The following RBSN variants were observed in gnomAD, a reference collection of about 807,000 sequenced individuals.
The protein encoded by RBSN is rabenosyn-5.
In RBSN, 34 loss-of-function variants were observed where a neutral mutation model predicts 60.5. That is an observed-to-expected ratio of 0.56 (90% CI 0.43 to 0.75). The LOEUF is 0.75. Ranked by LOEUF, RBSN falls within the 30% of genes least tolerant of loss-of-function variation. The probability of loss-of-function intolerance (pLI) is 0.00; values close to 1 mark genes in which losing one functional copy is unlikely to be tolerated. For missense variants in RBSN, 845 were observed against 986.8 expected (o/e 0.86, Z 1.92); for synonymous variants, 322 against 366.9 (o/e 0.88, Z 1.40).
At chr3:15,093,522 A>C (rs921946629) in intron 4 of RBSN, among the ~76,000 whole-genome samples, 1 of 151,686 alleles carries the variant, frequency 6.6e-6, no homozygotes, top group African/African-American at 2.4e-5. Context: ...CTCCTGGGTA[A>C]TTGGGACTAC....
chr3:15,092,467 A>C (rs1185667690), intron 4 of RBSN, among the ~76,000 whole-genome samples: 2 of 152,118 alleles, frequency 1.3e-5, no homozygotes, highest in Non-Finnish European at 2.9e-5. Flanking sequence ...ATGCAATGGC[A>C]GCAATCTCAG....
intron 10 of RBSN, among the ~76,000 whole-genome samples, chr3:15,079,751 AG>A (rs1298946821): frequency 7.2e-5 from 11 of 152,238 alleles, no homozygotes; most frequent in African/African-American, 2.7e-4. Flanking sequence ...GACAGGAAAT[AG>A]ATTAGTGGTG....
chr3:15,093,059 A>G (rs1421701506), intron 4 of RBSN, among the ~76,000 whole-genome samples: 1 of 152,200 alleles, frequency 6.6e-6, no homozygotes, highest in African/African-American at 2.4e-5. Flanking sequence ...CTGGGCCCCG[A>G]ACCCACTAAC....
At chr3:15,085,324 C>T (rs751816326) in intron 6 of RBSN, among the ~76,000 whole-genome samples, 2 of 152,174 alleles carry the variant, frequency 1.3e-5, no homozygotes, top group South Asian at 4.1e-4. Context: ...GTAAGGGCAA[C>T]GACTGAAAGC....
At chr3:15,087,836 G>A (rs1056967805) in intron 5 of RBSN, among the ~76,000 whole-genome samples, 1 of 152,110 alleles carries the variant, frequency 6.6e-6, no homozygotes, top group African/African-American at 2.4e-5. Flanking sequence ...GGCCAAACTG[G>A]TCTCAAATTC....
intron 5 of RBSN, among the ~76,000 whole-genome samples, chr3:15,088,372 T>G (rs545647160): frequency 1.3e-5 from 2 of 149,460 alleles, no homozygotes; most frequent in East Asian, 3.9e-4. Context: ...TACATATGTA[T>G]AGTATTATTA....
intron 12 of RBSN, among the ~76,000 whole-genome samples, 200 bp downstream of exon 12, chr3:15,076,862 G>A (rs2043066985): frequency 6.6e-6 from 1 of 152,214 alleles, no homozygotes; most frequent in African/African-American, 2.4e-5. Context: ...TTGTAATGGG[G>A]ACATAGGATT....
chr3:15,073,808 C>T lies in RBSN; in HGVS notation c.2329G>A (p.Ala777Thr). 1 of 1,608,298 alleles carries T rather than the reference C, an allele frequency of 6.2e-7. No individual in the cohort carries two copies. Residue 777 changes from alanine to threonine, a missense_variant, in exon 14 of 14, where the codon GCC becomes ACC. Physicochemically the swap from Ala to Thr is moderately conservative, Grantham distance 58. Transcript: ENST00000253699. ...ENLRELKHTL[A>T]KQKGGTD is the part of the protein sequence containing the mutation. ...CAGTCAGTGCCCCCCTTCTGCTTGGCCAGGGTGTGCTTCAGCTCCCGCAGA... is the reference window on the plus strand; with the variant it reads ...CAGTCAGTGCCCCCCTTCTGCTTGGTCAGGGTGTGCTTCAGCTCCCGCAGA...
chr3:15,087,975 C>T (rs1186745809), intron 5 of RBSN, among the ~76,000 whole-genome samples: 1 of 152,196 alleles, frequency 6.6e-6, no homozygotes, highest in African/African-American at 2.4e-5. Flanking sequence ...CATACTCTAA[C>T]ATCTAATTAA....
chr3:15,088,365 A>G (rs906814752), intron 5 of RBSN, among the ~76,000 whole-genome samples: 1 of 151,672 alleles, frequency 6.6e-6, no homozygotes, highest in African/African-American at 2.4e-5. Flanking sequence ...TCATAATTAC[A>G]TATGTATAGT....
At chr3:15,094,697 T>C (rs1276665203) in intron 4 of RBSN, among the ~76,000 whole-genome samples, 5 of 152,188 alleles carry the variant, frequency 3.3e-5, no homozygotes, top group Non-Finnish European at 5.9e-5. Flanking sequence ...ATTTCAGAAA[T>C]GTTTGCCTTT....
intron 5 of RBSN, among the ~76,000 whole-genome samples, chr3:15,087,494 A>C (rs1575101176): frequency 6.6e-6 from 1 of 152,318 alleles, no homozygotes; most frequent in South Asian, 2.1e-4. Flanking sequence ...TGGGTGACAG[A>C]GGAAGGCTGT....
At chr3:15,081,231 T>C (rs1256894418) in intron 9 of RBSN, 1 of 158,014 alleles carries the variant, frequency 6.3e-6, no homozygotes, top group Non-Finnish European at 1.4e-5. Context: ...GCCAGGCTGG[T>C]CTCGAACTCC....
At chr3:15,093,430 T>C (rs371532967) in intron 4 of RBSN, among the ~76,000 whole-genome samples, 2 of 152,196 alleles carry the variant, frequency 1.3e-5, no homozygotes, top group South Asian at 4.1e-4. Context: ...CTTTCTTTTT[T>C]TTGAGACAGT....
At chr3:15,086,763 A>G (rs191965589) in intron 5 of RBSN, among the ~76,000 whole-genome samples, 50 of 152,348 alleles carry the variant, frequency 3.3e-4, no homozygotes, top group African/African-American at 1.2e-3. Flanking sequence ...AATGGCCAAA[A>G]AAATGTAAAT....
Position 15,074,436 on chromosome 3 carries a change from G to A in RBSN, c.1701C>T (p.Thr567=), listed in dbSNP as rs1474089688. The change falls in exon 14 of 14, where the codon ACC becomes ACT. Residue 567 remains threonine, a synonymous_variant. Transcript: ENST00000253699. The surrounding 1 kb of genome is among the most constrained non-coding windows in gnomAD (Gnocchi z 6.4). ...FQLEPSREPR[T]HLAYALDLGS... is the part of the protein sequence containing the mutation. ...CTAGATCCAAAGCATAAGCAAGGTG[G>A]GTGCGAGGCTCTCTGCTGGGCTCCA... is the stretch of plus-strand genomic sequence containing the variant. 1 of 1,614,082 alleles carries A rather than the reference G, an allele frequency of 6.2e-7. No individual in the cohort carries two copies. The highest frequency in any genetic ancestry group is 8.5e-7 in the Non-Finnish European group (1 of 1,180,038).
chr3:15,071,856 T>C lies in RBSN; in HGVS notation c.*1926A>G, dbSNP rs1464651452. 6.5e-6 allele frequency: 1 copy of C among 152,676 alleles called. No individual in the cohort carries two copies. The highest frequency in any genetic ancestry group is 1.5e-5 in the Non-Finnish European group (1 of 68,046). The allele number at this position is 152,676 out of a possible 1,614,324, so 9.5% of individuals were successfully genotyped here. ...GCATAAAGTGACTAGTGGTCAGTTA[T>C]TGTTCATTAGTTCAGATGAGTAACT... is the stretch of plus-strand genomic sequence containing the variant. On this transcript the variant is annotated 3_prime_UTR_variant, in exon 14 of 14. Coordinates refer to ENST00000253699, the MANE Select transcript of RBSN (RefSeq NM_022340.4).
At position 15,072,591 on chromosome 3, in the gene RBSN, G is replaced by C. The variant is rs1364403500; in HGVS notation, c.*1191C>G. ...AGACCCGGCCTTTTAAACAGACCCA[G>C]ATCAGAGTAACTTTGCCAAAGCTCT... On this transcript the variant is annotated 3_prime_UTR_variant, in exon 14 of 14. Transcript: ENST00000253699. The C allele has an allele frequency of 6.6e-6, 1 of 152,194 alleles. No individual in the cohort carries two copies. The highest frequency in any genetic ancestry group is 2.4e-5 in the African/African-American group (1 of 41,444). The allele number at this position is 152,194 out of a possible 1,614,324, so 9.4% of individuals were successfully genotyped here.
At chr3:15,083,160 C>A (rs185248326) in intron 8 of RBSN, among the ~76,000 whole-genome samples, 1 of 152,240 alleles carries the variant, frequency 6.6e-6, no homozygotes, top group Admixed American at 6.5e-5. Context: ...TCCAGCAGGG[C>A]CACCCCACAG....
Sources: gnomAD v4.1 joint callset for allele counts (sites outside exome capture counted in the v4.1 genomes callset) on GRCh38, gnomAD v4.1.1 for gene constraint, Gnocchi (gnomAD v3.1) non-coding constraint, MANE v1.5 for transcripts, NCBI Gene and HGNC (gene_info 2026-07-23, HGNC 2026-07-21) for gene names.